KIRREL3: variants seen among roughly 807,000 people sequenced by gnomAD.
KIRREL3 encodes the protein kirre like nephrin family adhesion molecule 3.
Under a neutral mutation model 89.7 loss-of-function variants are expected in KIRREL3, and 36 were observed. The ratio of observed to expected loss-of-function variants is 0.40; its 90% CI spans 0.31 to 0.53. The LOEUF (loss-of-function observed/expected upper bound fraction) is 0.53. Among genes scored for constraint, KIRREL3 ranks in the 20% least tolerant of loss-of-function variants. The pLI is 0.49. For missense variants in KIRREL3, 864 were observed against 1,056.6 expected (o/e 0.82, Z 2.53); for synonymous variants, 445 against 441.4 (o/e 1.01, Z -0.10).
Position 126,993,060 on chromosome 11 carries a change from C to G in KIRREL3, c.55+7395G>C, listed in dbSNP as rs533780960. Among the ~76,000 whole-genome samples, 2 of 152,120 alleles carry G rather than the reference C, an allele frequency of 1.3e-5. No individual in the cohort carries two copies. The highest frequency in any genetic ancestry group is 4.8e-5 in the African/African-American group (2 of 41,420). On this transcript the variant is annotated intron_variant, in intron 1 of 16. Transcript: ENST00000525144. The surrounding 1 kb of genome is among the most constrained non-coding windows in gnomAD (Gnocchi z 6.1). ...CACTTCATCCATCAGCTAGAAAGAACGATTAAAAAGTATATTTCCATTCAA... is the reference window on the plus strand; with the variant it reads ...CACTTCATCCATCAGCTAGAAAGAAGGATTAAAAAGTATATTTCCATTCAA...
chr11:126,612,884 C>A lies in KIRREL3; in HGVS notation c.56-49972G>T, dbSNP rs1398273945. On this transcript the variant is annotated intron_variant, in intron 1 of 16. Coordinates refer to ENST00000525144, the MANE Select transcript of KIRREL3 (RefSeq NM_032531.4). This position sits in a 1 kb window ranked among gnomAD's most constrained non-coding sequence, Gnocchi z 4.5. ...TAAGCGCATTTTGTCCATTCATCATCTGCTAGACATTTGGGCTGTTTCCAC... is the reference window on the plus strand; with the variant it reads ...TAAGCGCATTTTGTCCATTCATCATATGCTAGACATTTGGGCTGTTTCCAC... 6.6e-6 allele frequency among the ~76,000 whole-genome samples: 1 copy of A among 152,224 alleles called. No individual in the cohort carries two copies. The highest frequency in any genetic ancestry group is 1.9e-4 in the East Asian group (1 of 5,204).
In KIRREL3 at chr11:126,797,067, C is replaced by T. The variant is rs117312266; in HGVS notation, c.55+203388G>A. ...ACACTATTGGAGGAGCTGTCTGTTGCGGGAGGGAAGAAGAAGCCTCATTCA... is the reference window on the plus strand; with the variant it reads ...ACACTATTGGAGGAGCTGTCTGTTGTGGGAGGGAAGAAGAAGCCTCATTCA... On this transcript the variant is annotated intron_variant, in intron 1 of 16. Transcript: ENST00000525144. This position sits in a 1 kb window ranked among gnomAD's most constrained non-coding sequence, Gnocchi z 4.9. Among the ~76,000 whole-genome samples, 1,108 of 152,156 alleles carry T rather than the reference C, an allele frequency of 7.3e-3. 5 individuals are homozygous for T. The highest frequency in any genetic ancestry group is 0.011 in the Non-Finnish European group (721 of 67,990).
rs1957730376 is a variant in KIRREL3 at position 126,498,011 on chromosome 11, C to T, written c.433+23304G>A. ...GCAGATAAGTGAGTCAGGCATCTGG[C>T]TCAGTAAAAAGTGTCTTCTCCATTT... On this transcript the variant is annotated intron_variant, in intron 4 of 16. Transcript: ENST00000525144. This position sits in a 1 kb window ranked among gnomAD's most constrained non-coding sequence, Gnocchi z 4.3. 6.6e-6 allele frequency among the ~76,000 whole-genome samples: 1 copy of T among 152,184 alleles called. No homozygotes were observed. The highest frequency in any genetic ancestry group is 1.5e-5 in the Non-Finnish European group (1 of 68,042).
intron 1 of KIRREL3, among the ~76,000 whole-genome samples, chr11:126,770,976 C>T (rs1218466839): frequency 2.0e-5 from 3 of 152,186 alleles, no homozygotes; most frequent in African/African-American, 7.2e-5. Context: ...GCTGGGATTA[C>T]AGGTGCTTGC....
chr11:126,849,084 A>C (rs757806668), intron 1 of KIRREL3, among the ~76,000 whole-genome samples: 1 of 152,178 alleles, frequency 6.6e-6, no homozygotes, highest in Non-Finnish European at 1.5e-5. Flanking sequence ...TTAATCACAG[A>C]GTGAGATAGG....
At chr11:126,440,324 A>C in intron 11 of KIRREL3, 125 bp downstream of exon 11, 1 of 827,516 alleles carries the variant, frequency 1.2e-6, no homozygotes, top group Non-Finnish European at 2.0e-6. Context: ...AGGCAGGTAT[A>C]ATTTTCCTCA....
At position 126,515,124 on chromosome 11, in the gene KIRREL3, T is replaced by A. The variant is rs1330799676; in HGVS notation, c.433+6191A>T. ...CAACATAGCGTGTCGAGACCTGTAA[T>A]CAAGGTGCATAAGGAGGCTGGGCGC... On this transcript the variant is annotated intron_variant, in intron 4 of 16. Transcript: ENST00000525144. The surrounding 1 kb of genome is among the most constrained non-coding windows in gnomAD (Gnocchi z 4.2). Among the ~76,000 whole-genome samples, 1 of 152,072 alleles carries A rather than the reference T, an allele frequency of 6.6e-6. No individual in the cohort carries two copies. Among genetic ancestry groups the A allele is most frequent in the Non-Finnish European group, 1.5e-5 (1 of 68,008 alleles).
rs1591375964 is a variant in KIRREL3, at chr11:126,953,359, C to T, written c.55+47096G>A. Among the ~76,000 whole-genome samples the T allele has an allele frequency of 6.6e-6, 1 of 152,020 alleles. No homozygotes were observed. The highest frequency in any genetic ancestry group is 2.4e-5 in the African/African-American group (1 of 41,402). On this transcript the variant is annotated intron_variant, in intron 1 of 16. Transcript: ENST00000525144. The surrounding 1 kb of genome is among the most constrained non-coding windows in gnomAD (Gnocchi z 5.2). The stretch of plus-strand genomic sequence containing the variant: ...GGGTGGGGGGCTAGGGGAGAGATAG[C>T]ATTAGGAGAAATACCTAACGTAGAT...
chr11:126,694,314 T>A lies in KIRREL3; in HGVS notation c.56-131402A>T, dbSNP rs1244363826. 6.6e-6 allele frequency among the ~76,000 whole-genome samples: 1 copy of A among 152,240 alleles called. No homozygotes were observed. The highest frequency in any genetic ancestry group is 1.5e-5 in the Non-Finnish European group (1 of 68,048). Reference sequence around the variant, plus strand: ...TTATTGCTTATTTATGGGAATCTATTTAAAGTGAATTGCACTTTTCCATTG... The same window carrying A: ...TTATTGCTTATTTATGGGAATCTATATAAAGTGAATTGCACTTTTCCATTG... On this transcript the variant is annotated intron_variant, in intron 1 of 16. Coordinates refer to ENST00000525144, the MANE Select transcript of KIRREL3 (RefSeq NM_032531.4). The surrounding 1 kb of genome is among the most constrained non-coding windows in gnomAD (Gnocchi z 4.4).
rs58061522 is a variant in KIRREL3, at chr11:126,509,991, C to CAAAA, written c.433+11320_433+11323dup. ...TGGACAACAGAGCAAGACTCCGTCT[C>CAAAA]AAAAAAAAAAAAAAAAAAAAAAAAA... On this transcript the variant is annotated intron_variant, in intron 4 of 16. Transcript: ENST00000525144. Among the ~76,000 whole-genome samples, 63 of 62,054 alleles carry CAAAA rather than the reference C, an allele frequency of 1.0e-3. 1 individual carries two copies. The highest frequency in any genetic ancestry group is 3.1e-3 in the African/African-American group (49 of 15,746). 40.7% of individuals were successfully genotyped at this position (62,054 alleles called of 152,430 possible).
In KIRREL3 at chr11:126,683,374, T is replaced by G. The variant is rs989558197; in HGVS notation, c.56-120462A>C. Reference sequence around the variant, plus strand: ...TAAGTGGGATCGACCGTGGGGTCTCTGGACAGCTCCCCAGAGGGCCGTGGT... The same window carrying G: ...TAAGTGGGATCGACCGTGGGGTCTCGGGACAGCTCCCCAGAGGGCCGTGGT... On this transcript the variant is annotated intron_variant, in intron 1 of 16. Coordinates refer to ENST00000525144, the MANE Select transcript of KIRREL3 (RefSeq NM_032531.4). The surrounding 1 kb of genome is among the most constrained non-coding windows in gnomAD (Gnocchi z 5.2). 1.4e-4 allele frequency among the ~76,000 whole-genome samples: 22 copies of G among 152,184 alleles called. No individual in the cohort carries two copies. The highest frequency in any genetic ancestry group is 2.6e-4 in the Non-Finnish European group (18 of 68,038).
In KIRREL3 at chr11:126,802,926, G is replaced by T. The variant is rs1436575198; in HGVS notation, c.55+197529C>A. Among the ~76,000 whole-genome samples, 1 of 152,162 alleles carries T rather than the reference G, an allele frequency of 6.6e-6. No homozygotes were observed. The highest frequency in any genetic ancestry group is 2.4e-5 in the African/African-American group (1 of 41,424). The stretch of plus-strand genomic sequence containing the variant: ...TTTTGCTCAAGGTTGTAGTTTCCAA[G>T]AACCTATCAATGACATTAAGTGAGG... On this transcript the variant is annotated intron_variant, in intron 1 of 16. Transcript: ENST00000525144. This position sits in a 1 kb window ranked among gnomAD's most constrained non-coding sequence, Gnocchi z 5.2.
chr11:126,980,921 G>T (rs1023312572), intron 1 of KIRREL3, among the ~76,000 whole-genome samples: 1 of 152,210 alleles, frequency 6.6e-6, no homozygotes, highest in Non-Finnish European at 1.5e-5. Context: ...GGTGCTAGGA[G>T]TGTGAACGTG....
Position 126,495,962 on chromosome 11 carries a change from A to G in KIRREL3, c.434-22496T>C, listed in dbSNP as rs1957644918. On this transcript the variant is annotated intron_variant, in intron 4 of 16. Coordinates refer to ENST00000525144, the MANE Select transcript of KIRREL3 (RefSeq NM_032531.4). The surrounding 1 kb of genome is among the most constrained non-coding windows in gnomAD (Gnocchi z 6.5). ...CATGCACAGATCATCCTTTCTCAGT[A>G]TCTGCACTGCTACTACCCCAGCGCT... is the stretch of plus-strand genomic sequence containing the variant. Among the ~76,000 whole-genome samples the G allele has an allele frequency of 6.6e-6, 1 of 152,140 alleles. No homozygotes were observed. Among genetic ancestry groups the G allele is most frequent in the Admixed American group, 6.5e-5 (1 of 15,288 alleles).
At chr11:126,650,939 A>C (rs537403907) in intron 1 of KIRREL3, among the ~76,000 whole-genome samples, 2 of 152,382 alleles carry the variant, frequency 1.3e-5, no homozygotes, top group South Asian at 4.1e-4. Flanking sequence ...AGTAAAAGGC[A>C]CTTCTTACAT....
Position 126,491,264 on chromosome 11 carries a change from T to C in KIRREL3, c.434-17798A>G, listed in dbSNP as rs1241601208. ...AGGCTGAGTGAAGGCCAGAAGCCTG[T>C]GAGCCTGAAACTCTGCTCAGGTGTC... On this transcript the variant is annotated intron_variant, in intron 4 of 16. Coordinates refer to ENST00000525144, the MANE Select transcript of KIRREL3 (RefSeq NM_032531.4). This position sits in a 1 kb window ranked among gnomAD's most constrained non-coding sequence, Gnocchi z 5.5. 6.6e-6 allele frequency among the ~76,000 whole-genome samples: 1 copy of C among 152,216 alleles called. No homozygotes were observed. The highest frequency in any genetic ancestry group is 6.5e-5 in the Admixed American group (1 of 15,290).
At chr11:126,440,354 G>T in intron 11 of KIRREL3, 95 bp downstream of exon 11, 1 of 1,041,164 alleles carries the variant, frequency 9.6e-7, no homozygotes, top group African/African-American at 1.6e-5. Flanking sequence ...AGGAACCTCG[G>T]AGGTGTGCAC....
At chr11:126,845,116 C>T (rs1009993604) in intron 1 of KIRREL3, among the ~76,000 whole-genome samples, 1 of 152,138 alleles carries the variant, frequency 6.6e-6, no homozygotes, top group Non-Finnish European at 1.5e-5. Context: ...TTGGGCCTTA[C>T]AAGTTTGATA....
intron 1 of KIRREL3, among the ~76,000 whole-genome samples, chr11:126,854,625 T>C (rs1172215700): frequency 2.6e-5 from 4 of 152,216 alleles, no homozygotes; most frequent in Non-Finnish European, 5.9e-5. Context: ...ATTTGTCCAT[T>C]GATAGATGAT....
Sources: allele counts gnomAD v4.1 joint callset (sites outside exome capture counted in the v4.1 genomes callset), GRCh38; gene constraint gnomAD v4.1.1; non-coding constraint Gnocchi (gnomAD v3.1); transcripts MANE v1.5; gene names NCBI Gene and HGNC (gene_info 2026-07-23, HGNC 2026-07-21).